ZSWIM5: variants seen among roughly 807,000 people sequenced by gnomAD.
ZSWIM5 encodes zinc finger SWIM domain-containing protein 5.
In ZSWIM5, 55 loss-of-function variants were observed where a neutral mutation model predicts 119.6. That is an observed-to-expected ratio of 0.46 (90% CI 0.37 to 0.58). The LOEUF (loss-of-function observed/expected upper bound fraction) is 0.58, where lower values mean the gene tolerates loss of function less well. Ranked by LOEUF, ZSWIM5 falls within the 20% of genes least tolerant of loss-of-function variation. The probability of loss-of-function intolerance (pLI) is 0.00; values close to 1 mark genes in which losing one functional copy is unlikely to be tolerated. For synonymous variants in ZSWIM5, 537 were observed against 606.9 expected (o/e 0.88, Z 1.69); for missense variants, 1,193 against 1,512.8 (o/e 0.79, Z 3.51).
intron 1 of ZSWIM5, among the ~76,000 whole-genome samples, chr1:45,176,988 C>T (rs1645985041): frequency 6.6e-6 from 1 of 152,108 alleles, no homozygotes; most frequent in African/African-American, 2.4e-5. Context: ...CCCTTCTTCC[C>T]ATCTCACTTC....
chr1:45,132,212 A>G (rs1323822823), intron 1 of ZSWIM5, among the ~76,000 whole-genome samples: 1 of 152,062 alleles, frequency 6.6e-6, no homozygotes, highest in Non-Finnish European at 1.5e-5. Flanking sequence ...TTATACAACA[A>G]AAAATAAGAA....
intron 1 of ZSWIM5, among the ~76,000 whole-genome samples, chr1:45,141,664 A>G (rs935373957): frequency 2.0e-5 from 3 of 152,230 alleles, no homozygotes; most frequent in African/African-American, 7.2e-5. Flanking sequence ...TGATATAGGT[A>G]GACTAAAACG....
At chr1:45,203,103 C>A (rs1413146010) in intron 1 of ZSWIM5, among the ~76,000 whole-genome samples, 10 of 151,950 alleles carry the variant, frequency 6.6e-5, no homozygotes, top group Non-Finnish European at 1.3e-4. Flanking sequence ...TTGCAATTTT[C>A]CCCTTTTAAA....
Position 45,152,831 on chromosome 1 carries a change from G to A in ZSWIM5, c.595+52925C>T, listed in dbSNP as rs1279996085. 2.0e-5 allele frequency among the ~76,000 whole-genome samples: 3 copies of A among 151,934 alleles called. No individual in the cohort carries two copies. The East Asian group carries it at 5.8e-4, about 29-fold the overall frequency. ...AATAAACAGACAACCTACAGAATGG[G>A]AGTAAATATTCTCAATCTACGCATC... On this transcript the variant is annotated intron_variant, in intron 1 of 13. Coordinates refer to ENST00000359600, the MANE Select transcript of ZSWIM5 (RefSeq NM_020883.2).
chr1:45,180,207 G>A (rs558444004), intron 1 of ZSWIM5, among the ~76,000 whole-genome samples: 1 of 152,258 alleles, frequency 6.6e-6, no homozygotes, highest in East Asian at 1.9e-4. Flanking sequence ...GACGGCACCT[G>A]GAAAATCGGG....
chr1:45,193,938 G>GTATATA (rs112350029), intron 1 of ZSWIM5, among the ~76,000 whole-genome samples: 29 of 146,272 alleles, frequency 2.0e-4, no homozygotes, highest in African/African-American at 6.3e-4. Context: ...GTGCATATGT[G>GTATATA]TATATATATA....
At chr1:45,163,630 A>G (rs1335118470) in intron 1 of ZSWIM5, among the ~76,000 whole-genome samples, 1 of 152,242 alleles carries the variant, frequency 6.6e-6, no homozygotes, top group Non-Finnish European at 1.5e-5. Flanking sequence ...AAGACCTTAA[A>G]TGACCTGATG....
At position 45,072,937 on chromosome 1, in the gene ZSWIM5, G is replaced by A. The variant is rs975224344; in HGVS notation, c.953-12690C>T. ...TTTCACATAGCAAAAAACAATTTTA[G>A]AATTGTGTTTTCTATTTCTGTGAAG... On this transcript the variant is annotated intron_variant, in intron 2 of 13. Transcript: ENST00000359600. This position sits in a 1 kb window ranked among gnomAD's most constrained non-coding sequence, Gnocchi z 4.1. Among the ~76,000 whole-genome samples the A allele has an allele frequency of 2.0e-5, 3 of 152,022 alleles. No individual in the cohort carries two copies. The South Asian group carries it at 6.2e-4, about 32-fold the overall frequency.
At chr1:45,131,529 GC>G (rs1645656349) in intron 1 of ZSWIM5, among the ~76,000 whole-genome samples, 1 of 151,846 alleles carries the variant, frequency 6.6e-6, no homozygotes, top group South Asian at 2.1e-4. Flanking sequence ...TTTGAAACCA[GC>G]CTCGCCAACA....
chr1:45,124,625 A>G (rs1645609918), intron 1 of ZSWIM5, among the ~76,000 whole-genome samples: 1 of 152,188 alleles, frequency 6.6e-6, no homozygotes, highest in African/African-American at 2.4e-5. Flanking sequence ...ACATACATTA[A>G]ATGAAAATGG....
At chr1:45,071,454 C>CTTTTTTTTTTTTTTTT (rs58028758) in intron 2 of ZSWIM5, among the ~76,000 whole-genome samples, 1 of 93,754 alleles carries the variant, frequency 1.1e-5, no homozygotes, top group Non-Finnish European at 2.0e-5. Flanking sequence ...GACAGAATCT[C>CTTTTTTTTTTTTTTTT]TTTTTTTTTT....
intron 1 of ZSWIM5, among the ~76,000 whole-genome samples, chr1:45,196,927 G>A (rs1646129238): frequency 6.6e-6 from 1 of 152,144 alleles, no homozygotes; most frequent in African/African-American, 2.4e-5. Context: ...TAGAGCCCAA[G>A]AGCCATTTAC....
At chr1:45,056,359 G>A (rs1477684785) in intron 4 of ZSWIM5, among the ~76,000 whole-genome samples, 5 of 152,062 alleles carry the variant, frequency 3.3e-5, no homozygotes, top group Admixed American at 1.3e-4. Flanking sequence ...TTGGGAGGCC[G>A]AGGTGGGTGG....
chr1:45,174,769 C>G (rs1334977253), intron 1 of ZSWIM5, among the ~76,000 whole-genome samples: 1 of 151,788 alleles, frequency 6.6e-6, no homozygotes, highest in African/African-American at 2.4e-5. Context: ...TCATATTTAT[C>G]CCTTTTTATT....
chr1:45,200,264 A>G (rs1026574651), intron 1 of ZSWIM5, among the ~76,000 whole-genome samples: 6 of 152,210 alleles, frequency 3.9e-5, no homozygotes, highest in Non-Finnish European at 8.8e-5. Flanking sequence ...AGAGTAATTT[A>G]GCGTATAATC....
intron 1 of ZSWIM5, among the ~76,000 whole-genome samples, chr1:45,096,451 TGTGTGTGTGTGC>T (rs1172827149): frequency 0.02 from 3,098 of 151,392 alleles, 115 homozygotes; most frequent in African/African-American, 0.072. Context: ...TGTGTGTGTG[TGTGTGTGTGTGC>T]GTGTGTGTGC....
chr1:45,047,516 T>G (rs1645063227), intron 5 of ZSWIM5, among the ~76,000 whole-genome samples: 1 of 152,156 alleles, frequency 6.6e-6, no homozygotes, highest in Admixed American at 6.6e-5. Context: ...TGTTTTGGTA[T>G]GGGAAATATA....
At chr1:45,102,250 AAC>A in intron 1 of ZSWIM5, among the ~76,000 whole-genome samples, 1 of 152,194 alleles carries the variant, frequency 6.6e-6, no homozygotes, top group African/African-American at 2.4e-5. Flanking sequence ...CCACATTCCA[AAC>A]ACACCAAACT....
intron 1 of ZSWIM5, among the ~76,000 whole-genome samples, chr1:45,198,526 C>T (rs1646139012): frequency 6.6e-6 from 1 of 152,182 alleles, no homozygotes; most frequent in Admixed American, 6.5e-5. Context: ...TTAGCCAAAG[C>T]ATTAGCAGAA....
Sources: allele counts gnomAD v4.1 joint callset (sites outside exome capture counted in the v4.1 genomes callset), GRCh38; gene constraint gnomAD v4.1.1; non-coding constraint Gnocchi (gnomAD v3.1); transcripts MANE v1.5; gene names NCBI Gene and HGNC (gene_info 2026-07-23, HGNC 2026-07-21).